CCND3: variants seen among roughly 807,000 people sequenced by gnomAD.
CCND3 encodes the protein cyclin D3, also known as G1/S-specific cyclin-D3.
A neutral mutation model predicts 28.7 loss-of-function variants in CCND3; 9 were observed. The ratio of observed to expected loss-of-function variants is 0.31; its 90% CI spans 0.19 to 0.55. CCND3 has a LOEUF of 0.55. Among genes scored for constraint, CCND3 ranks in the 20% least tolerant of loss-of-function variants. The pLI is 0.93. For missense variants in CCND3, 315 were observed against 385.8 expected (o/e 0.82, Z 1.54); for synonymous variants, 164 against 163.9 (o/e 1.00, Z 0.00).
intron 1 of CCND3, among the ~76,000 whole-genome samples, chr6:41,995,847 A>G (rs1219505668): frequency 6.6e-6 from 1 of 151,966 alleles, no homozygotes; most frequent in Non-Finnish European, 1.5e-5. Context: ...TGAGACCAAG[A>G]GTTCAAGACC....
At chr6:41,997,894 C>T (rs1328719947) in intron 1 of CCND3, among the ~76,000 whole-genome samples, 2 of 151,708 alleles carry the variant, frequency 1.3e-5, no homozygotes, top group Non-Finnish European at 2.9e-5. Context: ...GTAATCCCAG[C>T]ACTTTGGGAG....
intron 2 of CCND3, 186 bp from the exon 3 acceptor site, chr6:41,937,580 C>T: frequency 1.6e-6 from 1 of 626,666 alleles, no homozygotes; most frequent in Non-Finnish European, 2.8e-6. Flanking sequence ...GAGGCATGTG[C>T]TTTGAGCACT....
intron 1 of CCND3, among the ~76,000 whole-genome samples, chr6:41,957,960 C>T (rs1450547770): frequency 1.3e-5 from 2 of 150,908 alleles, no homozygotes; most frequent in Admixed American, 6.6e-5. Context: ...GCTGGGATTA[C>T]AGGTATGAGC....
intron 1 of CCND3, among the ~76,000 whole-genome samples, chr6:41,964,069 C>T (rs1761787762): frequency 6.6e-6 from 1 of 152,180 alleles, no homozygotes; most frequent in African/African-American, 2.4e-5. Flanking sequence ...AAAGTATACC[C>T]ACCCCACAGA....
chr6:41,937,642 T>C, intron 2 of CCND3: 1 of 547,176 alleles, frequency 1.8e-6, no homozygotes, highest in Non-Finnish European at 3.3e-6. Flanking sequence ...GGATTATCCC[T>C]TTTAATCCTG....
intron 1 of CCND3, among the ~76,000 whole-genome samples, chr6:41,980,791 C>T (rs1244584843): frequency 2.0e-5 from 3 of 152,112 alleles, no homozygotes; most frequent in Non-Finnish European, 2.9e-5. Flanking sequence ...CACATGATCT[C>T]GTCAAGAGAT....
chr6:41,999,132 T>C (rs1762909180), intron 1 of CCND3, among the ~76,000 whole-genome samples: 1 of 152,162 alleles, frequency 6.6e-6, no homozygotes, highest in East Asian at 1.9e-4. Flanking sequence ...TGTAAACCCA[T>C]CAGAATTTGT....
chr6:42,014,988 T>C (rs1053896682), intron 1 of CCND3, among the ~76,000 whole-genome samples: 2 of 152,196 alleles, frequency 1.3e-5, no homozygotes, highest in African/African-American at 2.4e-5. Context: ...CTTCCTGAAA[T>C]TGATCCTGCC....
intron 1 of CCND3, among the ~76,000 whole-genome samples, chr6:42,001,710 C>G (rs1187575625): frequency 6.6e-6 from 1 of 151,680 alleles, no homozygotes; most frequent in African/African-American, 2.4e-5. Flanking sequence ...GACTCCATCT[C>G]AAAAAAAGCG....
In CCND3 at chr6:42,048,415, A is replaced by G; in HGVS notation, c.-46+86T>C. On this transcript the variant is annotated intron_variant, in intron 1 of 4. Coordinates refer to the CCND3 transcript ENST00000372988. This position sits in a 1 kb window ranked among gnomAD's most constrained non-coding sequence, Gnocchi z 4.7. ...TGATGAGGATGCGGCGACCCCATTG[A>G]CCCACCCAGCACCGATCCCCAACGC... The G allele has an allele frequency of 2.8e-6, 1 of 362,134 alleles. No individual in the cohort carries two copies. The highest frequency in any genetic ancestry group is 5.5e-6 in the Non-Finnish European group (1 of 182,406). 22.4% of individuals were successfully genotyped at this position (362,134 alleles called of 1,614,324 possible).
At chr6:41,951,737 A>G (rs955753647) in intron 1 of CCND3, among the ~76,000 whole-genome samples, 3 of 151,692 alleles carry the variant, frequency 2.0e-5, no homozygotes, top group African/African-American at 7.3e-5. Context: ...AGGTAGTAAT[A>G]ATAATAGATC....
intron 2 of CCND3, 50 bp downstream of exon 2, chr6:41,940,320 G>T: frequency 1.3e-6 from 2 of 1,494,126 alleles, no homozygotes; most frequent in Non-Finnish European, 1.9e-6. Flanking sequence ...CCTTTTCCTG[G>T]AAAGTGGGGA....
At position 41,935,820 on chromosome 6, in the gene CCND3, T is replaced by G. The variant is rs1432851772; in HGVS notation, c.*120A>C. On this transcript the variant is annotated 3_prime_UTR_variant, in exon 5 of 5. Coordinates refer to ENST00000372991, the MANE Select transcript of CCND3 (RefSeq NM_001760.5). ...TGGGTAGGACCAGATCCCTTGGGCT[T>G]TGTGAAGGGGGAACAGACGCCCCTT... The G allele has an allele frequency of 2.1e-6, 2 of 975,556 alleles. No homozygotes were observed. The highest frequency in any genetic ancestry group is 3.1e-6 in the Non-Finnish European group (2 of 637,430). 60.4% of individuals were successfully genotyped at this position (975,556 alleles called of 1,614,324 possible). A position where few individuals can be genotyped will look rare whatever the true frequency, so the allele number is the denominator to read the frequency against.
intron 1 of CCND3, among the ~76,000 whole-genome samples, chr6:41,959,478 A>T (rs1427047127): frequency 2.0e-5 from 3 of 150,786 alleles, no homozygotes; most frequent in Non-Finnish European, 4.4e-5. Flanking sequence ...AGGTCAGGAG[A>T]TTGAGACCAT....
chr6:41,989,998 T>C (rs990065310), intron 1 of CCND3, among the ~76,000 whole-genome samples: 2 of 151,968 alleles, frequency 1.3e-5, no homozygotes, highest in African/African-American at 4.8e-5. Context: ...GACTTATAAA[T>C]TGGAAAAGAA....
intron 1 of CCND3, among the ~76,000 whole-genome samples, chr6:41,974,740 G>A (rs530348046): frequency 4.6e-5 from 7 of 151,848 alleles, no homozygotes; most frequent in East Asian, 1.9e-4. Flanking sequence ...GGGATGGGGC[G>A]GGTGGCCAAT....
chr6:42,037,360 C>T (rs1212453900), intron 1 of CCND3, among the ~76,000 whole-genome samples: 1 of 152,016 alleles, frequency 6.6e-6, no homozygotes, highest in African/African-American at 2.4e-5. Context: ...GCCTCAGCCT[C>T]CCAAGTAGCT....
intron 1 of CCND3, among the ~76,000 whole-genome samples, chr6:42,017,584 G>T (rs1763561179): frequency 6.6e-6 from 1 of 152,154 alleles, no homozygotes; most frequent in Non-Finnish European, 1.5e-5. Context: ...GCCATGTATT[G>T]CACTAAGTGG....
rs1261356543 is a variant in CCND3 at position 42,044,152 on chromosome 6, A to AC, written c.-46+4348dup. ...TGTGGAAGAAATCCCTGACCTGGGG[A>AC]CGGGTGTATGCCGCAGAGGCGGAGG... is the stretch of plus-strand genomic sequence containing the variant. On this transcript the variant is annotated intron_variant, in intron 1 of 4. Transcript: ENST00000372988. Among the ~76,000 whole-genome samples, 3 of 152,232 alleles carry AC rather than the reference A, an allele frequency of 2.0e-5. No homozygotes were observed. In the East Asian group the frequency reaches 5.8e-4, roughly 29 times the overall value.
Sources: allele counts gnomAD v4.1 joint callset (sites outside exome capture counted in the v4.1 genomes callset), GRCh38; gene constraint gnomAD v4.1.1; non-coding constraint Gnocchi (gnomAD v3.1); transcripts MANE v1.5; gene names NCBI Gene and HGNC (gene_info 2026-07-23, HGNC 2026-07-21).